Variants in MIGA1 observed in about 807,000 individuals in gnomAD.
MIGA1 encodes the protein mitoguardin 1, also known as family with sequence similarity 73, member A.
Under a neutral mutation model 82.0 loss-of-function variants are expected in MIGA1, and 58 were observed. The ratio of observed to expected loss-of-function variants is 0.71; its 90% CI spans 0.57 to 0.88. The LOEUF (loss-of-function observed/expected upper bound fraction) is 0.88. MIGA1 is among the 40% of genes least tolerant of loss of function. The pLI, the probability that MIGA1 is intolerant of heterozygous loss-of-function variation, is 0.00. For missense variants in MIGA1, 751 were observed against 749.1 expected, an observed-to-expected ratio of 1.00 and a Z score of -0.03; for synonymous variants, 249 against 253.6, an observed-to-expected ratio of 0.98 and a Z score of 0.17.
intron 10 of MIGA1, chr1:77,859,770 T>G (rs1318248212): frequency 1.8e-5 from 7 of 399,170 alleles, no homozygotes; most frequent in Non-Finnish European, 3.1e-5. Context: ...TTTTCTTATG[T>G]TTTGGGGCTA....
At chr1:77,850,783 C>T (rs1172971380) in intron 8 of MIGA1, among the ~76,000 whole-genome samples, 7 of 152,034 alleles carry the variant, frequency 4.6e-5, no homozygotes, top group African/African-American at 1.7e-4. Flanking sequence ...TCACTGGTTG[C>T]TTCATATGTG....
intron 14 of MIGA1, 71 bp from the exon 15 acceptor site, chr1:77,872,933 C>T: frequency 6.3e-7 from 1 of 1,584,498 alleles, no homozygotes; most frequent in Non-Finnish European, 8.6e-7. Flanking sequence ...ATAGCAACTT[C>T]AGTTTCTGTA....
rs773191531 is a variant in MIGA1, at chr1:77,801,538, A to G, written c.373+30A>G. ...GTGGAAATAGTTGAAGTAAGTGTACAAAAGTGTGTAAATCATAACTGGAAT... is the reference window on the plus strand; with the variant it reads ...GTGGAAATAGTTGAAGTAAGTGTACGAAAGTGTGTAAATCATAACTGGAAT... On this transcript the variant is annotated intron_variant, in intron 3 of 15. Coordinates refer to ENST00000370791, the MANE Select transcript of MIGA1 (RefSeq NM_198549.4). 2.6e-6 allele frequency: 4 copies of G among 1,541,048 alleles called. No individual in the cohort carries two copies. The African/African-American group carries it at 5.7e-5, about 22-fold the overall frequency.
At chr1:77,821,831 G>A (rs554965310) in intron 7 of MIGA1, among the ~76,000 whole-genome samples, 3 of 152,268 alleles carry the variant, frequency 2.0e-5, no homozygotes, top group East Asian at 3.9e-4. Context: ...TTGCTAAAAT[G>A]GATAGTGTCA....
intron 7 of MIGA1, among the ~76,000 whole-genome samples, chr1:77,834,245 A>G (rs1306721177): frequency 6.6e-6 from 1 of 152,024 alleles, no homozygotes; most frequent in African/African-American, 2.4e-5. Context: ...GCGTGATCCT[A>G]ACTCACTGCA....
intron 14 of MIGA1, among the ~76,000 whole-genome samples, chr1:77,871,128 G>GAGGGAGAGGAA (rs1428084973): frequency 9.4e-6 from 1 of 105,890 alleles, no homozygotes; most frequent in Non-Finnish European, 2.0e-5. Flanking sequence ...AGGGAGAGGA[G>GAGGGAGAGGAA]GGAGAGGGAG....
At chr1:77,839,433 C>T (rs982338863) in intron 7 of MIGA1, among the ~76,000 whole-genome samples, 3 of 151,646 alleles carry the variant, frequency 2.0e-5, no homozygotes, top group African/African-American at 7.3e-5. Flanking sequence ...TGTAGTGACA[C>T]GATCATGGCT....
At chr1:77,870,317 A>G (rs2101976704) in intron 14 of MIGA1, among the ~76,000 whole-genome samples, 1 of 100,548 alleles carries the variant, frequency 9.9e-6, no homozygotes, top group Admixed American at 9.1e-5. Flanking sequence ...GGGGCTCCTC[A>G]CTTCTCAGAC....
intron 2 of MIGA1, among the ~76,000 whole-genome samples, chr1:77,791,275 G>A (rs1682412778): frequency 6.8e-6 from 1 of 146,770 alleles, no homozygotes; most frequent in African/African-American, 2.5e-5. Flanking sequence ...ACAAAAAACT[G>A]CTATATAAAT....
intron 7 of MIGA1, among the ~76,000 whole-genome samples, chr1:77,832,310 T>G (rs1684271867): frequency 6.6e-6 from 1 of 152,226 alleles, no homozygotes; most frequent in African/African-American, 2.4e-5. Flanking sequence ...TAATATTTAT[T>G]TAGCAAACAT....
chr1:77,865,350 G>A (rs1287647836), intron 13 of MIGA1, among the ~76,000 whole-genome samples: 1 of 152,064 alleles, frequency 6.6e-6, no homozygotes, highest in East Asian at 1.9e-4. Flanking sequence ...CAGCACTTTG[G>A]AAGGCCGAAG....
chr1:77,870,638 G>C lies in MIGA1; in HGVS notation c.1564-2366G>C, dbSNP rs1272397472. ...CAGAGAGGCTCCTCATATCCTAGAC[G>C]ATGGGGGGCCAGGCAGAGACGCTCC... is the stretch of plus-strand genomic sequence containing the variant. On this transcript the variant is annotated intron_variant, in intron 14 of 15. Coordinates refer to ENST00000370791, the MANE Select transcript of MIGA1 (RefSeq NM_198549.4). Among the ~76,000 whole-genome samples, 7 of 151,194 alleles carry C rather than the reference G, an allele frequency of 4.6e-5. No homozygotes were observed. In the East Asian group the frequency reaches 1.4e-3, roughly 30 times the overall value.
rs139495621 is a variant in MIGA1, at chr1:77,847,401, T to G, written c.996+3994T>G. 2.1e-3 allele frequency: 2,787 copies of G among 1,308,602 alleles called. 7 individuals carry two copies. The highest frequency in any genetic ancestry group is 2.9e-3 in the Non-Finnish European group (2,597 of 902,718). The allele number at this position is 1,308,602 out of a possible 1,614,324, so 81.1% of individuals were successfully genotyped here. A position where few individuals can be genotyped will look rare whatever the true frequency, so the allele number is the denominator to read the frequency against. On this transcript the variant is annotated intron_variant, in intron 8 of 15. Transcript: ENST00000370791. ...TACTAAATTGCTTTTGGGGAAAGAC[T>G]GAAAGCCCAAGTATATTCACAACTT...
chr1:77,819,833 C>T (rs778136094), intron 7 of MIGA1, among the ~76,000 whole-genome samples: 5 of 152,014 alleles, frequency 3.3e-5, no homozygotes, highest in Admixed American at 6.5e-5. Context: ...CCACCCAACT[C>T]GGCCTTCCAT....
chr1:77,815,444 T>C (rs1048852618), intron 7 of MIGA1, among the ~76,000 whole-genome samples: 4 of 152,182 alleles, frequency 2.6e-5, no homozygotes, highest in African/African-American at 9.7e-5. Flanking sequence ...CAAGTACTTA[T>C]CATAGGCAGG....
chr1:77,785,847 G>A (rs1682136620), intron 2 of MIGA1, among the ~76,000 whole-genome samples: 1 of 152,230 alleles, frequency 6.6e-6, no homozygotes. Context: ...GCAAGCTGTT[G>A]GTGGATCTAT....
chr1:77,854,052 C>T (rs570178716), intron 8 of MIGA1, among the ~76,000 whole-genome samples: 1 of 152,274 alleles, frequency 6.6e-6, no homozygotes, highest in Non-Finnish European at 1.5e-5. Context: ...CCTACTCTTC[C>T]CCTCAAGTCC....
At chr1:77,813,011 T>C (rs1402546587) in intron 5 of MIGA1, among the ~76,000 whole-genome samples, 1 of 152,138 alleles carries the variant, frequency 6.6e-6, no homozygotes, top group Non-Finnish European at 1.5e-5. Context: ...GACAGAGTCT[T>C]GCTCTGTCAC....
chr1:77,864,977 T>C (rs1215191817), intron 13 of MIGA1, among the ~76,000 whole-genome samples: 2 of 152,218 alleles, frequency 1.3e-5, no homozygotes, highest in East Asian at 3.8e-4. Flanking sequence ...TTTTGGAACT[T>C]ACTGATATTA....
Sources: allele counts gnomAD v4.1 joint callset (sites outside exome capture counted in the v4.1 genomes callset), GRCh38; gene constraint gnomAD v4.1.1; transcripts MANE v1.5; gene names NCBI Gene and HGNC (gene_info 2026-07-23, HGNC 2026-07-21).